Variants in JAM2 observed in about 807,000 individuals in gnomAD.
The protein encoded by JAM2 is junctional adhesion molecule B.
JAM2 carries 17 observed loss-of-function variants against 42.0 expected under a neutral mutation model. The ratio of observed to expected loss-of-function variants is 0.40; its 90% CI spans 0.28 to 0.61. The LOEUF (loss-of-function observed/expected upper bound fraction) is 0.61, where lower values mean the gene tolerates loss of function less well. Ranked by LOEUF, JAM2 falls within the 20% of genes least tolerant of loss-of-function variation. The pLI is 0.37. For synonymous variants in JAM2, 118 were observed against 128.6 expected (o/e 0.92, Z 0.56); for missense variants, 319 against 358.3 (o/e 0.89, Z 0.89).
chr21:25,666,476 C>A (rs2033227030), intron 1 of JAM2, among the ~76,000 whole-genome samples: 1 of 152,106 alleles, frequency 6.6e-6, no homozygotes, highest in African/African-American at 2.4e-5. Flanking sequence ...AGGCACCCGC[C>A]ACCACACCCG....
chr21:25,643,628 G>T (rs1296616229), intron 1 of JAM2: 1 of 152,202 alleles, frequency 6.6e-6, no homozygotes, highest in Non-Finnish European at 1.5e-5. Flanking sequence ...GAGAGAAGTG[G>T]TTCCGTGCTG....
At chr21:25,659,783 T>A (rs1485050118) in intron 1 of JAM2, among the ~76,000 whole-genome samples, 1 of 152,228 alleles carries the variant, frequency 6.6e-6, no homozygotes, top group Non-Finnish European at 1.5e-5. Context: ...TGCATACTAT[T>A]CTTGACAGAT....
In JAM2 at chr21:25,688,912, T is replaced by C. The variant is rs571042328; in HGVS notation, c.134-954T>C. ...AAAAAAGTATTTCAGAAACATGGAA[T>C]TGACATTCTAGAGAGCCTGGTTAAA... is the stretch of plus-strand genomic sequence containing the variant. On this transcript the variant is annotated intron_variant, in intron 2 of 9. Coordinates refer to ENST00000480456, the MANE Select transcript of JAM2 (RefSeq NM_021219.4). 2.6e-5 allele frequency among the ~76,000 whole-genome samples: 4 copies of C among 152,316 alleles called. No individual in the cohort carries two copies. In the South Asian group the frequency reaches 8.3e-4, roughly 32 times the overall value.
intron 6 of JAM2, 106 bp downstream of exon 6, chr21:25,702,375 A>G: frequency 3.5e-6 from 2 of 570,394 alleles, no homozygotes; most frequent in Admixed American, 2.7e-5. Flanking sequence ...AGTGACTTGA[A>G]GAATAAACAG....
chr21:25,639,484 C>G lies in JAM2; in HGVS notation c.-338C>G, dbSNP rs1196989772. On this transcript the variant is annotated 5_prime_UTR_variant, in exon 1 of 10. Transcript: ENST00000480456. ...GCGTGGGGGCGGAGGGACGACCCGC[C>G]GGGGCTTTCCCGGGCGCTGCTCTCC... 2 of 243,134 alleles carry G rather than the reference C, an allele frequency of 8.2e-6. No homozygotes were observed. Among genetic ancestry groups the G allele is most frequent in the African/African-American group, 4.5e-5 (2 of 44,634 alleles). 15.1% of individuals were successfully genotyped at this position (243,134 alleles called of 1,614,324 possible). A position where few individuals can be genotyped will look rare whatever the true frequency, so the allele number is the denominator to read the frequency against.
At chr21:25,643,109 G>A (rs1439657932) in intron 1 of JAM2, among the ~76,000 whole-genome samples, 1 of 152,180 alleles carries the variant, frequency 6.6e-6, no homozygotes, top group Non-Finnish European at 1.5e-5. Context: ...ATATGAATGT[G>A]GGGGGACATA....
intron 1 of JAM2, among the ~76,000 whole-genome samples, chr21:25,666,042 A>T: frequency 6.6e-6 from 1 of 152,000 alleles, no homozygotes; most frequent in African/African-American, 2.4e-5. Flanking sequence ...ACCATCTCAA[A>T]AATAATAATA....
intron 2 of JAM2, among the ~76,000 whole-genome samples, chr21:25,685,183 A>G (rs2033722640): frequency 6.6e-6 from 1 of 152,172 alleles, no homozygotes; most frequent in African/African-American, 2.4e-5. Context: ...TAATATTTAC[A>G]TAGTGCTTTC....
At chr21:25,690,629 T>C (rs2123382003) in intron 3 of JAM2, among the ~76,000 whole-genome samples, 1 of 152,284 alleles carries the variant, frequency 6.6e-6, no homozygotes, top group African/African-American at 2.4e-5. Flanking sequence ...ATTACAGGTG[T>C]GAGCCACTTG....
At chr21:25,654,287 G>A (rs2032864377) in intron 1 of JAM2, among the ~76,000 whole-genome samples, 1 of 152,140 alleles carries the variant, frequency 6.6e-6, no homozygotes, top group South Asian at 2.1e-4. Context: ...AATGTTGATT[G>A]GAGCTTTACA....
chr21:25,654,479 C>T (rs2032871243), intron 1 of JAM2, among the ~76,000 whole-genome samples: 1 of 151,884 alleles, frequency 6.6e-6, no homozygotes, highest in African/African-American at 2.4e-5. Context: ...GAAACCCCCT[C>T]TCTACTAAAA....
At chr21:25,647,478 A>T (rs184392951) in intron 1 of JAM2, among the ~76,000 whole-genome samples, 1 of 152,234 alleles carries the variant, frequency 6.6e-6, no homozygotes, top group Non-Finnish European at 1.5e-5. Context: ...ACCTTGCTCC[A>T]AAAAGTTATT....
intron 6 of JAM2, 36 bp from the exon 7 acceptor site, chr21:25,705,943 C>T (rs1373548348): frequency 7.3e-7 from 1 of 1,363,892 alleles, no homozygotes; most frequent in Non-Finnish European, 1.1e-6. Context: ...CCGTGTAATC[C>T]ACATATATTT....
intron 8 of JAM2, among the ~76,000 whole-genome samples, chr21:25,711,098 C>T (rs755562272): frequency 5.3e-5 from 8 of 152,122 alleles, no homozygotes; most frequent in African/African-American, 9.7e-5. Context: ...TTACCATTTA[C>T]GGAAGTGTGG....
intron 5 of JAM2, 132 bp downstream of exon 5, chr21:25,699,011 A>C (rs2034102607): frequency 1.3e-6 from 1 of 746,530 alleles, no homozygotes; most frequent in Non-Finnish European, 2.2e-6. Flanking sequence ...GGGCACCAGG[A>C]AAGATGGCAG....
rs1362551324 is a variant in JAM2 at position 25,716,172 on chromosome 21, A to AT, written c.*1504dup. On this transcript the variant is annotated 3_prime_UTR_variant, in exon 10 of 10. Transcript: ENST00000480456. ...ACCACCACACCTGGCTAATTTTTGTATTTTAGTAGAGAAGGGTTTCACCAT... is the reference window on the plus strand; with the variant it reads ...ACCACCACACCTGGCTAATTTTTGTATTTTTAGTAGAGAAGGGTTTCACCAT... The AT allele has an allele frequency of 6.6e-6, 1 of 151,786 alleles. No individual in the cohort carries two copies. The highest frequency in any genetic ancestry group is 1.5e-5 in the Non-Finnish European group (1 of 68,012). The allele number at this position is 151,786 out of a possible 1,614,324, so 9.4% of individuals were successfully genotyped here.
chr21:25,698,537 A>G, intron 4 of JAM2, 140 bp from the exon 5 acceptor site: 2 of 675,208 alleles, frequency 3.0e-6, no homozygotes, highest in South Asian at 1.9e-5. Context: ...AGCAGTCTCT[A>G]TCACAGGGTC....
chr21:25,659,383 T>C (rs1206046395), intron 1 of JAM2, among the ~76,000 whole-genome samples: 1 of 152,230 alleles, frequency 6.6e-6, no homozygotes, highest in Non-Finnish European at 1.5e-5. Context: ...AATTGCTATG[T>C]GTGTCTGATG....
rs1438595108 is a variant in JAM2, at chr21:25,652,214, C to T, written c.67+12326C>T. Among the ~76,000 whole-genome samples the T allele has an allele frequency of 4.0e-5, 6 of 151,718 alleles. No homozygotes were observed. The South Asian group carries it at 6.2e-4, about 16-fold the overall frequency. On this transcript the variant is annotated intron_variant, in intron 1 of 9. Transcript: ENST00000480456. ...CAGCCTAGGCCATATAGGAAGGCCA[C>T]GCCTCTACAAAAAAGAAAAATAAAT...
Sources: gnomAD v4.1 joint callset for allele counts (sites outside exome capture counted in the v4.1 genomes callset) on GRCh38, gnomAD v4.1.1 for gene constraint, MANE v1.5 for transcripts, NCBI Gene and HGNC (gene_info 2026-07-23, HGNC 2026-07-21) for gene names.